The following DNM1 variants were observed in gnomAD, a reference collection of about 807,000 sequenced individuals.
DNM1 encodes the protein dynamin-1.
DNM1 carries 29 observed loss-of-function variants against 104.6 expected under a neutral mutation model. That is an observed-to-expected ratio of 0.28 (90% CI 0.21 to 0.38). The LOEUF is 0.38. DNM1 is among the 10% of genes least tolerant of loss of function. DNM1 has a pLI of 1.00. For missense variants in DNM1, 640 were observed against 1,189.4 expected, an observed-to-expected ratio of 0.54 and a Z score of 6.79; for synonymous variants, 445 against 475.8, an observed-to-expected ratio of 0.94 and a Z score of 0.84.
intron 19 of DNM1, 58 bp from the exon 20 acceptor site, chr9:128,250,057 C>A (rs753393132): frequency 1.4e-5 from 22 of 1,612,084 alleles, no homozygotes; most frequent in Admixed American, 8.3e-5. Context: ...CCCGGTGGGG[C>A]GGCCAGGGCG....
At chr9:128,246,261 A>G (rs1314571679) in intron 15 of DNM1, 133 bp from the exon 16 acceptor site, 1 of 678,036 alleles carries the variant, frequency 1.5e-6, no homozygotes, top group African/African-American at 1.8e-5. Flanking sequence ...CCAGGCTTTT[A>G]TCTAGCTGCA....
rs1369348485 is a variant in DNM1, at chr9:128,254,274, CAA to C, written c.2535-379_2535-378del. 4 of 1,384,952 alleles carry C rather than the reference CAA, an allele frequency of 2.9e-6. No homozygotes were observed. Among genetic ancestry groups the C allele is most frequent in the Non-Finnish European group, 3.7e-6 (4 of 1,079,506 alleles). 85.8% of individuals were successfully genotyped at this position (1,384,952 alleles called of 1,614,324 possible). On this transcript the variant is annotated intron_variant, in intron 21 of 21. Transcript: ENST00000372923. The surrounding 1 kb of genome is among the most constrained non-coding windows in gnomAD (Gnocchi z 6.1). ...GGCTGTTGCATGGGGCTCCCCAAGG[CAA>C]GGGGTGGCCCCAGGCCAGTGGGTTG...
At position 128,239,567 on chromosome 9, in the gene DNM1, CGT is replaced by C. The variant is rs34036148; in HGVS notation, c.1493+101_1493+102del. 122,485 of 872,362 alleles carry C rather than the reference CGT, an allele frequency of 0.14. 1,488 individuals carry two copies. The highest frequency in any genetic ancestry group is 0.14 in the Non-Finnish European group (78,170 of 556,380). The allele number at this position is 872,362 out of a possible 1,614,324, so 54.0% of individuals were successfully genotyped here. On this transcript the variant is annotated intron_variant, in intron 12 of 21. Transcript: ENST00000372923. ...AGTGCTCCCTGGGCAGAGAAGGTAA[CGT>C]GTGTGTGTGTGTGTGTGTGTGTGTG...
intron 10 of DNM1, among the ~76,000 whole-genome samples, chr9:128,226,637 G>A (rs1835358696): frequency 6.6e-6 from 1 of 152,212 alleles, no homozygotes; most frequent in East Asian, 1.9e-4. Flanking sequence ...AGGGCCTCCT[G>A]GGCAGGGGGA....
chr9:128,242,342 T>C lies in DNM1; in HGVS notation c.1668T>C (p.Asp556=), dbSNP rs1261161907. The C allele has an allele frequency of 1.9e-6, 3 of 1,578,936 alleles. No individual in the cohort carries two copies. The highest frequency in any genetic ancestry group is 2.6e-6 in the Non-Finnish European group (3 of 1,148,034). ...AGAATCTGTCCTGGTACAAGGATGA[T>C]GAGGTGAGTCAAGGGCCAGTGGTCA... The part of the protein sequence containing the change: ...TAENLSWYKD[D]EEKEKKYMLS... Residue 556 remains aspartate (D), a synonymous_variant, in exon 15 of 22, where the codon GAT becomes GAC. Transcript: ENST00000372923.
At chr9:128,230,305 G>A (rs1408859351) in intron 10 of DNM1, among the ~76,000 whole-genome samples, 2 of 150,344 alleles carry the variant, frequency 1.3e-5, no homozygotes, top group African/African-American at 4.9e-5. Flanking sequence ...AAAAAAAGCA[G>A]GTTTCAGAAA....
intron 16 of DNM1, among the ~76,000 whole-genome samples, chr9:128,246,744 C>T (rs1005136838): frequency 1.3e-5 from 2 of 149,858 alleles, no homozygotes; most frequent in Non-Finnish European, 3.0e-5. Context: ...TCCTTCCTTC[C>T]ATCCTCCCTC....
intron 1 of DNM1, among the ~76,000 whole-genome samples, chr9:128,210,337 T>C (rs1024309270): frequency 5.1e-5 from 6 of 117,304 alleles, no homozygotes; most frequent in Non-Finnish European, 1.1e-4. Flanking sequence ...ATTTTATTTG[T>C]ATTTATTTGG....
At chr9:128,244,316 CAT>C (rs1836610450) in intron 15 of DNM1, among the ~76,000 whole-genome samples, 2 of 151,496 alleles carry the variant, frequency 1.3e-5, no homozygotes, top group South Asian at 2.1e-4. Flanking sequence ...TGGGGGTGCT[CAT>C]GTGTGTGAGT....
intron 4 of DNM1, 151 bp downstream of exon 4, chr9:128,219,403 T>C: frequency 1.4e-6 from 1 of 724,348 alleles, no homozygotes; most frequent in Non-Finnish European, 2.3e-6. Flanking sequence ...GCATGGTAGC[T>C]CATGCCTGTA....
chr9:128,239,323 T>G (rs1312409256), intron 11 of DNM1, 122 bp from the exon 12 acceptor site: 2 of 734,548 alleles, frequency 2.7e-6, no homozygotes, highest in African/African-American at 3.5e-5. Context: ...TGGTAGGGAC[T>G]ATATTTATTA....
Position 128,253,378 on chromosome 9 carries a change from G to C in DNM1, c.2535-1276G>C, listed in dbSNP as rs1204719007. On this transcript the variant is annotated intron_variant, in intron 21 of 21. Coordinates refer to ENST00000372923, the MANE Select transcript of DNM1 (RefSeq NM_004408.4). The surrounding 1 kb of genome is among the most constrained non-coding windows in gnomAD (Gnocchi z 5.9). ...TCCATGGCTGAGCCTGGAGGCTCTTGGAACAGGCTCCGCGCCCAAGCTGGC... is the reference window on the plus strand; with the variant it reads ...TCCATGGCTGAGCCTGGAGGCTCTTCGAACAGGCTCCGCGCCCAAGCTGGC... 8.8e-6 allele frequency: 5 copies of C among 566,618 alleles called. No homozygotes were observed. The highest frequency in any genetic ancestry group is 3.2e-5 in the Admixed American group (1 of 31,236). 35.1% of individuals were successfully genotyped at this position (566,618 alleles called of 1,614,324 possible). A position where few individuals can be genotyped will look rare whatever the true frequency, so the allele number is the denominator to read the frequency against.
chr9:128,252,894 A>C, intron 21 of DNM1: 1 of 687,862 alleles, frequency 1.5e-6, no homozygotes, highest in Non-Finnish European at 2.6e-6. Flanking sequence ...GCCGCCGGCC[A>C]GTGAGGGTGC....
chr9:128,219,993 C>T lies in DNM1; in HGVS notation c.595C>T (p.Arg199Cys), dbSNP rs1485891906. 5.7e-6 allele frequency: 9 copies of T among 1,574,398 alleles called. No homozygotes were observed. The highest frequency in any genetic ancestry group is 3.7e-5 in the Admixed American group (2 of 54,106). The change falls in exon 5 of 22, where the codon CGC (arginine) becomes TGC (cysteine). Residue 199 changes from arginine (R) to cysteine (C), a missense_variant. Physicochemically the swap from Arg to Cys is radical, Grantham distance 180 (BLOSUM62 -3). Around this residue, in one of 7 missense-constraint regions of DNM1, gnomAD observed 172 missense variants for 335.3 expected, o/e 0.51. Coordinates refer to ENST00000372923, the MANE Select transcript of DNM1 (RefSeq NM_004408.4). ...CCTCCTGCTGGTGCACCCAGGCCAGCGCACCATCGGGGTCATCACCAAGCT... is the reference window on the plus strand; with the variant it reads ...CCTCCTGCTGGTGCACCCAGGCCAGTGCACCATCGGGGTCATCACCAAGCT... ...VAKEVDPQGQ[R>C]TIGVITKLDL...
At position 128,254,160 on chromosome 9, in the gene DNM1, C is replaced by T. The variant is rs1214345199; in HGVS notation, c.2535-494C>T. ...CAGAGGGTCCTGGGTTTTCTGAACA[C>T]CCAGAGGGGCCTCCGGCGCTCCCTC... On this transcript the variant is annotated intron_variant, in intron 21 of 21. Transcript: ENST00000372923. The surrounding 1 kb of genome is among the most constrained non-coding windows in gnomAD (Gnocchi z 6.1). 2.3e-6 allele frequency: 3 copies of T among 1,309,552 alleles called. No individual in the cohort carries two copies. Among genetic ancestry groups the T allele is most frequent in the East Asian group, 3.1e-5 (1 of 32,378 alleles). The allele number at this position is 1,309,552 out of a possible 1,614,324, so 81.1% of individuals were successfully genotyped here. A position where few individuals can be genotyped will look rare whatever the true frequency, so the allele number is the denominator to read the frequency against.
intron 20 of DNM1, among the ~76,000 whole-genome samples, 153 bp downstream of exon 20, chr9:128,250,509 C>A (rs1465062866): frequency 6.6e-6 from 1 of 152,048 alleles, no homozygotes; most frequent in Non-Finnish European, 1.5e-5. Context: ...TGTCGCGGGG[C>A]GGGGCTTGCC....
chr9:128,208,806 G>C (rs543416769), intron 1 of DNM1, among the ~76,000 whole-genome samples: 4 of 152,246 alleles, frequency 2.6e-5, no homozygotes, highest in Middle Eastern at 3.4e-3. Context: ...TTGAGGGGAG[G>C]GGGGCTTTCT....
rs1836420776 is a variant in DNM1 at position 128,242,364 on chromosome 9, G to A, written c.1671+19G>A. 7.2e-7 allele frequency: 1 copy of A among 1,389,210 alleles called. No individual in the cohort carries two copies. Among genetic ancestry groups the A allele is most frequent in the Admixed American group, 1.7e-5 (1 of 59,614 alleles). 86.1% of individuals were successfully genotyped at this position (1,389,210 alleles called of 1,614,324 possible). On this transcript the variant is annotated intron_variant, in intron 15 of 21. Transcript: ENST00000372923. ...TGATGAGGTGAGTCAAGGGCCAGTG[G>A]TCATCAAGGGGCTGGGCTGGTGGAC...
rs774354128 is a variant in DNM1, at chr9:128,219,300, C to T, written c.589+48C>T. 23 of 1,520,248 alleles carry T rather than the reference C, an allele frequency of 1.5e-5. No individual in the cohort carries two copies. The African/African-American group carries it at 1.9e-4, about 13-fold the overall frequency. 94.2% of individuals were successfully genotyped at this position (1,520,248 alleles called of 1,614,324 possible). ...ATGCACAAAACCCCAGGCTTGCAGG[C>T]TGTCTATTCTTAGTGTAAAGGGGAG... is the stretch of plus-strand genomic sequence containing the variant. On this transcript the variant is annotated intron_variant, in intron 4 of 21. Transcript: ENST00000372923.
Sources: gnomAD v4.1 joint callset for allele counts (sites outside exome capture counted in the v4.1 genomes callset) on GRCh38, gnomAD v4.1.1 for gene constraint, gnomAD v4.1.1 regional missense constraint, Gnocchi (gnomAD v3.1) non-coding constraint, MANE v1.5 for transcripts, NCBI Gene and HGNC (gene_info 2026-07-23, HGNC 2026-07-21) for gene names.